The following SLC24A4 variants were observed in gnomAD, a reference collection of about 807,000 sequenced individuals.
SLC24A4 encodes sodium/potassium/calcium exchanger 4.
Under a neutral mutation model 79.0 loss-of-function variants are expected in SLC24A4, and 53 were observed. The observed-to-expected ratio is 0.67, with a 90% CI of 0.54 to 0.84. The LOEUF is 0.84. Ranked by LOEUF, SLC24A4 falls within the 40% of genes least tolerant of loss-of-function variation. The probability of loss-of-function intolerance (pLI) is 0.00; values close to 1 mark genes in which losing one functional copy is unlikely to be tolerated. For synonymous variants in SLC24A4, 323 were observed against 323.8 expected, an observed-to-expected ratio of 1.00 and a Z score of 0.03; for missense variants, 731 against 822.0, an observed-to-expected ratio of 0.89 and a Z score of 1.35.
chr14:92,485,651 AAAC>A (rs1267081577), intron 13 of SLC24A4, among the ~76,000 whole-genome samples: 1 of 152,174 alleles, frequency 6.6e-6, no homozygotes, highest in Non-Finnish European at 1.5e-5. Context: ...TGTATTTCCA[AAAC>A]AACATTACAA....
intron 2 of SLC24A4, among the ~76,000 whole-genome samples, chr14:92,365,176 G>A (rs1887758101): frequency 6.6e-6 from 1 of 152,264 alleles, no homozygotes; most frequent in African/African-American, 2.4e-5. Flanking sequence ...AGAGCGCCCG[G>A]AGGGCAAGGA....
At chr14:92,485,592 G>A (rs10135174) in intron 13 of SLC24A4, among the ~76,000 whole-genome samples, 66,571 of 151,942 alleles carry the variant, frequency 0.44, 14,805 homozygotes, top group Non-Finnish European at 0.47. Flanking sequence ...TTAAAGGCCA[G>A]TTCATCTTAC....
At chr14:92,347,558 T>C (rs114959695) in intron 2 of SLC24A4, among the ~76,000 whole-genome samples, 148 of 152,354 alleles carry the variant, frequency 9.7e-4, no homozygotes, top group Middle Eastern at 3.4e-3. Flanking sequence ...CATCTTACTG[T>C]TACTTCCTAA....
At chr14:92,373,788 C>A (rs959674523) in intron 2 of SLC24A4, among the ~76,000 whole-genome samples, 5 of 152,102 alleles carry the variant, frequency 3.3e-5, no homozygotes, top group Non-Finnish European at 7.4e-5. Flanking sequence ...GTTGAAAAAC[C>A]ACATTTTATT....
At chr14:92,374,527 T>A (rs1888393717) in intron 2 of SLC24A4, among the ~76,000 whole-genome samples, 1 of 152,200 alleles carries the variant, frequency 6.6e-6, no homozygotes, top group African/African-American at 2.4e-5. Context: ...GCTGGGTGCC[T>A]GTCAGACGGG....
intron 2 of SLC24A4, 147 bp from the exon 3 acceptor site, chr14:92,433,765 C>A: frequency 1.4e-6 from 1 of 693,708 alleles, no homozygotes; most frequent in Admixed American, 2.1e-5. Context: ...TGGTCTGCCC[C>A]TGGACTGAGA....
intron 3 of SLC24A4, among the ~76,000 whole-genome samples, 197 bp from the exon 4 acceptor site, chr14:92,439,138 T>G (rs370830617): frequency 3.0e-4 from 45 of 152,340 alleles, no homozygotes; most frequent in African/African-American, 7.0e-4. Context: ...GCATGTTATC[T>G]CCTCTCTGGG....
intron 2 of SLC24A4, among the ~76,000 whole-genome samples, chr14:92,373,026 G>A (rs914217120): frequency 7.2e-6 from 1 of 139,622 alleles, no homozygotes; most frequent in Non-Finnish European, 1.5e-5. Flanking sequence ...CTTTCGAGAT[G>A]GAGTCTTGCT....
chr14:92,428,061 T>G (rs955412731), intron 2 of SLC24A4, among the ~76,000 whole-genome samples: 4 of 152,182 alleles, frequency 2.6e-5, no homozygotes, highest in African/African-American at 9.7e-5. Flanking sequence ...GAGAAATAAA[T>G]TTCTGTTGTT....
chr14:92,430,232 G>T (rs944841492), intron 2 of SLC24A4, among the ~76,000 whole-genome samples: 5 of 152,200 alleles, frequency 3.3e-5, no homozygotes, highest in African/African-American at 1.2e-4. Flanking sequence ...GTCCGTCAGG[G>T]TCTCATCCAG....
intron 5 of SLC24A4, 61 bp from the exon 6 acceptor site, chr14:92,442,652 G>GAGGA: frequency 8.2e-7 from 1 of 1,218,892 alleles, no homozygotes; most frequent in Non-Finnish European, 1.2e-6. Flanking sequence ...GGGGGACACT[G>GAGGA]AGGAAGGGGC....
intron 2 of SLC24A4, among the ~76,000 whole-genome samples, chr14:92,410,740 C>T (rs1053082651): frequency 6.6e-6 from 1 of 152,184 alleles, no homozygotes; most frequent in Non-Finnish European, 1.5e-5. Flanking sequence ...TTGCCCAAGG[C>T]CAGACCACCA....
In SLC24A4 at chr14:92,323,663, G is replaced by C. The variant is rs946766754; in HGVS notation, c.-168G>C. 1 of 795,432 alleles carries C rather than the reference G, an allele frequency of 1.3e-6. No individual in the cohort carries two copies. Among genetic ancestry groups the C allele is most frequent in the African/African-American group, 1.8e-5 (1 of 54,096 alleles). The allele number at this position is 795,432 out of a possible 1,614,324, so 49.3% of individuals were successfully genotyped here. On this transcript the variant is annotated 5_prime_UTR_variant, in exon 1 of 17. Transcript: ENST00000532405. The surrounding 1 kb of genome is among the most constrained non-coding windows in gnomAD (Gnocchi z 4.9). The stretch of plus-strand genomic sequence containing the variant: ...CGTCGCGCGTCCCCACCTTCCCAAG[G>C]GGCTCCCCCGCCGACCTCGCCCTCG...
At chr14:92,324,181 G>GGT (rs1884979845) in intron 1 of SLC24A4, among the ~76,000 whole-genome samples, 1 of 152,214 alleles carries the variant, frequency 6.6e-6, no homozygotes, top group African/African-American at 2.4e-5. Flanking sequence ...CCCCTGGGGG[G>GGT]GCTCAGGACG....
chr14:92,380,791 G>A (rs888740419), intron 2 of SLC24A4, among the ~76,000 whole-genome samples: 11 of 152,256 alleles, frequency 7.2e-5, no homozygotes, highest in African/African-American at 2.4e-4. Flanking sequence ...GGAGGCTCAG[G>A]GGGCAGGGCA....
chr14:92,373,212 A>ATATG (rs68018634), intron 2 of SLC24A4, among the ~76,000 whole-genome samples: 1 of 4,184 alleles, frequency 2.4e-4, no homozygotes, highest in Non-Finnish European at 0.011. Context: ...ACACACACAC[A>ATATG]TATATATATT....
At chr14:92,442,595 T>G in intron 5 of SLC24A4, 118 bp from the exon 6 acceptor site, 1 of 693,904 alleles carries the variant, frequency 1.4e-6, no homozygotes, top group Non-Finnish European at 2.5e-6. Flanking sequence ...CTCTTCCGCT[T>G]CACGGGTGCT....
At chr14:92,465,195 G>C (rs112295990) in intron 12 of SLC24A4, among the ~76,000 whole-genome samples, 13 of 152,156 alleles carry the variant, frequency 8.5e-5, no homozygotes, top group Non-Finnish European at 1.6e-4. Context: ...GGTGCTTTTT[G>C]CATTTCTTTC....
intron 2 of SLC24A4, among the ~76,000 whole-genome samples, chr14:92,336,006 G>A (rs914516409): frequency 6.6e-6 from 1 of 152,162 alleles, no homozygotes; most frequent in South Asian, 2.1e-4. Flanking sequence ...AGTTTTTTTG[G>A]CCTCATCCAA....
Sources: gnomAD v4.1 joint callset for allele counts (sites outside exome capture counted in the v4.1 genomes callset) on GRCh38, gnomAD v4.1.1 for gene constraint, Gnocchi (gnomAD v3.1) non-coding constraint, MANE v1.5 for transcripts, NCBI Gene and HGNC (gene_info 2026-07-23, HGNC 2026-07-21) for gene names.